Variants in SGCZ observed in about 807,000 individuals in gnomAD.
SGCZ encodes zeta-sarcoglycan.
Under a neutral mutation model 41.3 loss-of-function variants are expected in SGCZ, and 40 were observed. The ratio of observed to expected loss-of-function variants is 0.97; its 90% CI spans 0.75 to 1.26. The LOEUF (loss-of-function observed/expected upper bound fraction) is 1.26. Ranked by LOEUF, SGCZ falls within the 50% of genes most tolerant of loss-of-function variation. SGCZ has a pLI of 0.00. For missense variants in SGCZ, 552 were observed against 369.8 expected (o/e 1.49, Z -4.04); for synonymous variants, 206 against 137.5 (o/e 1.50, Z -3.49).
rs546544367 is a variant in SGCZ at position 14,716,891 on chromosome 8, T to C, written c.40-161965A>G. Among the ~76,000 whole-genome samples, 7 of 152,252 alleles carry C rather than the reference T, an allele frequency of 4.6e-5. No homozygotes were observed. In the South Asian group the frequency reaches 1.0e-3, roughly 23 times the overall value. ...TTTCTATAAAGCCTACTTCCTCTAA[T>C]GCTACATGAGTTTCAAAATATCCAT... On this transcript the variant is annotated intron_variant, in intron 1 of 7. Transcript: ENST00000382080.
At chr8:14,667,984 T>A (rs921462898) in intron 1 of SGCZ, among the ~76,000 whole-genome samples, 5 of 152,090 alleles carry the variant, frequency 3.3e-5, no homozygotes, top group African/African-American at 4.8e-5. Flanking sequence ...TGAGATGGAG[T>A]CTCACTCTGT....
chr8:14,203,536 C>G (rs956944638), intron 4 of SGCZ, among the ~76,000 whole-genome samples: 1 of 152,064 alleles, frequency 6.6e-6, no homozygotes, highest in African/African-American at 2.4e-5. Flanking sequence ...TAATGTGCTC[C>G]TAAATTTCAT....
chr8:14,771,272 G>A (rs915880438), intron 1 of SGCZ, among the ~76,000 whole-genome samples: 1 of 152,092 alleles, frequency 6.6e-6, no homozygotes, highest in Non-Finnish European at 1.5e-5. Flanking sequence ...TCAGAGGAGA[G>A]AGGGAAAGAA....
intron 1 of SGCZ, among the ~76,000 whole-genome samples, chr8:14,901,289 T>C (rs374462265): frequency 1.8e-4 from 28 of 152,314 alleles, no homozygotes; most frequent in African/African-American, 6.7e-4. Flanking sequence ...ACCACAGTTT[T>C]ATTATGAGTT....
intron 3 of SGCZ, among the ~76,000 whole-genome samples, chr8:14,300,091 C>G (rs571310051): frequency 1.3e-5 from 2 of 151,872 alleles, no homozygotes; most frequent in South Asian, 4.1e-4. Flanking sequence ...CAGGGTGAGA[C>G]CTGCCTGAAG....
chr8:14,567,857 C>T (rs1804423349), intron 1 of SGCZ, among the ~76,000 whole-genome samples: 1 of 152,172 alleles, frequency 6.6e-6, no homozygotes. Flanking sequence ...CAGCTTCACT[C>T]CTGAGCCAGA....
chr8:14,205,768 T>C (rs1183097433), intron 4 of SGCZ, among the ~76,000 whole-genome samples: 1 of 152,180 alleles, frequency 6.6e-6, no homozygotes, highest in East Asian at 1.9e-4. Flanking sequence ...TATTTTAACT[T>C]GGACTTTAAT....
intron 1 of SGCZ, among the ~76,000 whole-genome samples, chr8:14,646,084 G>A (rs970127798): frequency 1.3e-5 from 2 of 151,712 alleles, no homozygotes; most frequent in Non-Finnish European, 2.9e-5. Flanking sequence ...TTTAGATACA[G>A]GGAATACATA....
intron 1 of SGCZ, among the ~76,000 whole-genome samples, chr8:15,043,473 A>C (rs2130981669): frequency 6.6e-6 from 1 of 152,266 alleles, no homozygotes. Context: ...TTGGATATAT[A>C]CTTAAGTAAA....
At position 14,389,161 on chromosome 8, in the gene SGCZ, G is replaced by T. The variant is rs189844814; in HGVS notation, c.235-64957C>A. Among the ~76,000 whole-genome samples the T allele has an allele frequency of 7.9e-5, 12 of 151,978 alleles. No homozygotes were observed. The East Asian group carries it at 2.3e-3, about 29-fold the overall frequency. On this transcript the variant is annotated intron_variant, in intron 2 of 7. Transcript: ENST00000382080. ...TGTTGAGGTGAGTATTAGAATACCG[G>T]ACAATATACTTGGAGAAATCACTGA...
chr8:14,555,017 A>T (rs1358309763), intron 1 of SGCZ, 91 bp from the exon 2 acceptor site: 8 of 1,168,046 alleles, frequency 6.8e-6, no homozygotes, highest in Non-Finnish European at 9.6e-6. Flanking sequence ...ACAAAAGAAC[A>T]ATGTACGTTA....
intron 1 of SGCZ, among the ~76,000 whole-genome samples, chr8:14,924,740 T>G (rs930194560): frequency 5.3e-5 from 8 of 152,138 alleles, no homozygotes; most frequent in Non-Finnish European, 4.4e-5. Flanking sequence ...AAACTGAGTT[T>G]GAGGCTAAAA....
chr8:14,217,060 G>T (rs1806019536), intron 4 of SGCZ, among the ~76,000 whole-genome samples: 1 of 151,556 alleles, frequency 6.6e-6, no homozygotes, highest in Non-Finnish European at 1.5e-5. Context: ...GGCCGAGGTG[G>T]GTGGATCACG....
chr8:15,098,101 C>A (rs969405177), intron 1 of SGCZ, among the ~76,000 whole-genome samples: 3 of 151,200 alleles, frequency 2.0e-5, no homozygotes, highest in Non-Finnish European at 2.9e-5. Flanking sequence ...AGTACTGATT[C>A]TTTATGTAGA....
intron 1 of SGCZ, among the ~76,000 whole-genome samples, chr8:14,606,389 C>T (rs1228604636): frequency 1.3e-5 from 2 of 152,170 alleles, no homozygotes; most frequent in East Asian, 3.9e-4. Context: ...ATTAGTTCCT[C>T]AACAACACAA....
intron 4 of SGCZ, among the ~76,000 whole-genome samples, chr8:14,201,857 A>G (rs1295394966): frequency 1.4e-5 from 2 of 144,396 alleles, no homozygotes; most frequent in East Asian, 1.9e-4. Context: ...GAGATCTTTA[A>G]AAAACAACAA....
intron 2 of SGCZ, among the ~76,000 whole-genome samples, chr8:14,527,601 T>C (rs1802993534): frequency 6.6e-6 from 1 of 152,180 alleles, no homozygotes; most frequent in Admixed American, 6.6e-5. Context: ...TCATTGTCAT[T>C]ATGCTGCTGG....
chr8:14,303,905 C>A (rs898095053), intron 3 of SGCZ, among the ~76,000 whole-genome samples: 7 of 151,936 alleles, frequency 4.6e-5, no homozygotes, highest in Non-Finnish European at 8.8e-5. Context: ...GCACCCGCCA[C>A]CAAGCCCAGC....
At chr8:15,016,453 T>A (rs2130935105) in intron 1 of SGCZ, among the ~76,000 whole-genome samples, 1 of 152,116 alleles carries the variant, frequency 6.6e-6, no homozygotes, top group East Asian at 1.9e-4. Flanking sequence ...CATAATCTCT[T>A]GGCAGGATCC....
Sources: allele counts gnomAD v4.1 joint callset (sites outside exome capture counted in the v4.1 genomes callset), GRCh38; gene constraint gnomAD v4.1.1; transcripts MANE v1.5; gene names NCBI Gene and HGNC (gene_info 2026-07-23, HGNC 2026-07-21).